The following KIAA1671 variants were observed in gnomAD, a reference collection of about 807,000 sequenced individuals.
KIAA1671 encodes the protein KIAA1671, also known as uncharacterized protein KIAA1671.
A neutral mutation model predicts 131.2 loss-of-function variants in KIAA1671; 52 were observed. The observed-to-expected ratio is 0.40, with a 90% CI of 0.32 to 0.50. KIAA1671 has a LOEUF of 0.50. Among genes scored for constraint, KIAA1671 ranks in the 20% least tolerant of loss-of-function variants. The pLI is 0.73. For missense variants in KIAA1671, 2,360 were observed against 2,364.2 expected, an observed-to-expected ratio of 1.00 and a Z score of 0.04; for synonymous variants, 1,003 against 961.6, an observed-to-expected ratio of 1.04 and a Z score of -0.80.
intron 6 of KIAA1671, among the ~76,000 whole-genome samples, chr22:25,075,135 G>A (rs1929036090): frequency 6.6e-6 from 1 of 152,258 alleles, no homozygotes; most frequent in South Asian, 2.1e-4. Context: ...ATTCCAGTGG[G>A]GGTGATTTTC....
At chr22:25,036,788 G>A (rs1926622710) in intron 4 of KIAA1671, among the ~76,000 whole-genome samples, 1 of 152,256 alleles carries the variant, frequency 6.6e-6, no homozygotes, top group Non-Finnish European at 1.5e-5. Flanking sequence ...GCCAGGCGTG[G>A]TGGTGCATGC....
intron 1 of KIAA1671, among the ~76,000 whole-genome samples, chr22:24,984,883 C>G (rs567717925): frequency 2.3e-4 from 33 of 142,236 alleles, no homozygotes; most frequent in African/African-American, 8.7e-4. Flanking sequence ...CATTGCACTC[C>G]AGCCTGGCGA....
intron 6 of KIAA1671, among the ~76,000 whole-genome samples, chr22:25,162,064 TC>T (rs1163220060): frequency 6.6e-6 from 1 of 152,152 alleles, no homozygotes; most frequent in African/African-American, 2.4e-5. Flanking sequence ...GCATGCCAGA[TC>T]GACTCCCTGG....
intron 1 of KIAA1671, among the ~76,000 whole-genome samples, chr22:24,967,070 T>A (rs1922341536): frequency 6.6e-6 from 1 of 152,064 alleles, no homozygotes; most frequent in Non-Finnish European, 1.5e-5. Flanking sequence ...CTCTGGACCT[T>A]TTTTTTACAG....
intron 6 of KIAA1671, among the ~76,000 whole-genome samples, chr22:25,163,131 C>A (rs1190224145): frequency 6.6e-6 from 1 of 152,064 alleles, no homozygotes; most frequent in Middle Eastern, 3.4e-3. Context: ...AATTCAAGAC[C>A]AGCCTGGGCA....
chr22:25,117,632 C>G (rs967669875), intron 6 of KIAA1671, among the ~76,000 whole-genome samples: 2 of 149,120 alleles, frequency 1.3e-5, no homozygotes, highest in Non-Finnish European at 1.5e-5. Context: ...CACACACACA[C>G]ACACAGACAC....
At chr22:25,159,071 G>A (rs989697600) in intron 6 of KIAA1671, among the ~76,000 whole-genome samples, 2 of 152,148 alleles carry the variant, frequency 1.3e-5, no homozygotes, top group Non-Finnish European at 2.9e-5. Context: ...TGGGCTTCTT[G>A]GGTCTAGGGG....
intron 6 of KIAA1671, among the ~76,000 whole-genome samples, chr22:25,165,862 G>T (rs1218735727): frequency 6.6e-6 from 1 of 152,096 alleles, no homozygotes; most frequent in African/African-American, 2.4e-5. Flanking sequence ...TGGGGCTGGA[G>T]GAGCCAGTGG....
rs1238485179 is a variant in KIAA1671, at chr22:25,039,441, A to G, written c.2311A>G (p.Arg771Gly). The change falls in exon 5 of 13, where the codon AGG (arginine) becomes GGG (glycine). Residue 771 changes from arginine to glycine, a missense_variant. Around this residue, in one of 3 missense-constraint regions of KIAA1671, gnomAD observed 1,185 missense variants for 1,126.2 expected, o/e 1.05. Coordinates refer to ENST00000358431, the MANE Select transcript of KIAA1671 (RefSeq NM_001145206.2). ...CAGGTCTTGGCTCTCACTGAAGGACAGGCAGCTGTCCCAGGAGGTCACCCC... is the reference window on the plus strand; with the variant it reads ...CAGGTCTTGGCTCTCACTGAAGGACGGGCAGCTGTCCCAGGAGGTCACCCC... ...SLRSWLSLKD[R>G]QLSQEVTPAD... 7 of 1,551,806 alleles carry G rather than the reference A, an allele frequency of 4.5e-6. No individual in the cohort carries two copies. The highest frequency in any genetic ancestry group is 5.2e-6 in the Non-Finnish European group (6 of 1,147,016).
intron 8 of KIAA1671, chr22:25,176,372 C>T (rs1934027520): frequency 6.6e-6 from 1 of 152,206 alleles, no homozygotes; most frequent in Non-Finnish European, 1.5e-5. Context: ...TGGAATTTCT[C>T]CAAAGTGGAC....
chr22:25,028,474 G>C lies in KIAA1671; in HGVS notation c.475G>C (p.Ala159Pro). 3 of 1,550,258 alleles carry C rather than the reference G, an allele frequency of 1.9e-6. No individual in the cohort carries two copies. The highest frequency in any genetic ancestry group is 1.2e-5 in the South Asian group (1 of 83,854). Residue 159 changes from alanine (A) to proline (P), a missense_variant, in exon 3 of 13, where the codon GCG becomes CCG. This residue lies in a region of KIAA1671 where 1,185 missense variants were observed against 1,126.2 expected (regional missense o/e 1.05). Coordinates refer to ENST00000358431, the MANE Select transcript of KIAA1671 (RefSeq NM_001145206.2). Reference protein sequence around the residue: ...TTKSGPALGKAVSEGAEEAKL... With the variant: ...TTKSGPALGKPVSEGAEEAKL... ...CAAAAGCGGCCCCGCTCTGGGGAAG[G>C]CGGTTAGTGAGGGGGCGGAGGAGGC...
Position 25,093,806 on chromosome 22 carries a change from C to CTG in KIAA1671, c.4530+44443_4530+44444insGT, listed in dbSNP as rs1930226986. Among the ~76,000 whole-genome samples the CTG allele has an allele frequency of 1.6e-5, 2 of 128,528 alleles. 1 individual carries two copies. Among genetic ancestry groups the CTG allele is most frequent in the Non-Finnish European group, 3.2e-5 (2 of 61,804 alleles). The allele number at this position is 128,528 out of a possible 152,430, so 84.3% of individuals were successfully genotyped here. A position where few individuals can be genotyped will look rare whatever the true frequency, so the allele number is the denominator to read the frequency against. Reference sequence around the variant, plus strand: ...TCTCTCTCTCTCTCTCTCTCTCTCTCTCTCTGTCTCTCTCTCTTTCTCTCT... The same window carrying CTG: ...TCTCTCTCTCTCTCTCTCTCTCTCTCTGTCTCTGTCTCTCTCTCTTTCTCTCT... On this transcript the variant is annotated intron_variant, in intron 6 of 12. Coordinates refer to ENST00000358431, the MANE Select transcript of KIAA1671 (RefSeq NM_001145206.2).
intron 6 of KIAA1671, chr22:25,051,991 C>G (rs9612839): frequency 0.15 from 23,226 of 152,276 alleles, 1,896 homozygotes; most frequent in African/African-American, 0.19. Context: ...GCTCAGAATG[C>G]TTCAGCCCCT....
chr22:24,967,931 T>C (rs1331382125), intron 1 of KIAA1671, among the ~76,000 whole-genome samples: 1 of 151,932 alleles, frequency 6.6e-6, no homozygotes, highest in African/African-American at 2.4e-5. Flanking sequence ...AGGCGGAGCT[T>C]GCAGTGAACC....
chr22:25,126,059 A>G (rs1303301071), intron 6 of KIAA1671, among the ~76,000 whole-genome samples: 1 of 152,200 alleles, frequency 6.6e-6, no homozygotes, highest in Non-Finnish European at 1.5e-5. Flanking sequence ...CTTTATAAAC[A>G]GTGGCTTTTA....
chr22:25,038,836 C>G lies in KIAA1671; in HGVS notation c.1706C>G (p.Ser569Cys). Residue 569 changes from serine (S) to cysteine (C), a missense_variant, in exon 5 of 13, where the codon TCC (serine) becomes TGC (cysteine). By Grantham distance (112) the Ser-to-Cys change is moderately radical (BLOSUM62 -1). Coordinates refer to ENST00000358431, the MANE Select transcript of KIAA1671 (RefSeq NM_001145206.2). ...AAGCCTGGGACACTCCGGGATAAGTCCAGGCAGACGGAGCAGAAGGTTAGC... is the reference window on the plus strand; with the variant it reads ...AAGCCTGGGACACTCCGGGATAAGTGCAGGCAGACGGAGCAGAAGGTTAGC... The part of the protein sequence containing the change: ...PWKPGTLRDK[S>C]RQTEQKVSSN... The G allele has an allele frequency of 6.4e-7, 1 of 1,551,830 alleles. No homozygotes were observed. The highest frequency in any genetic ancestry group is 1.2e-5 in the South Asian group (1 of 84,054).
In KIAA1671 at chr22:24,960,695, A is replaced by G. The variant is rs553965010; in HGVS notation, c.-208+7923A>G. The stretch of plus-strand genomic sequence containing the variant: ...TTTTTTTGCTATGACCGAGTGCCGC[A>G]GTTAACATCCCTGTTGACATGTCTT... On this transcript the variant is annotated intron_variant, in intron 1 of 12. Coordinates refer to ENST00000358431, the MANE Select transcript of KIAA1671 (RefSeq NM_001145206.2). Among the ~76,000 whole-genome samples, 27 of 113,766 alleles carry G rather than the reference A, an allele frequency of 2.4e-4. 1 individual carries two copies. The South Asian group carries it at 8.0e-3, about 34-fold the overall frequency. The allele number at this position is 113,766 out of a possible 152,430, so 74.6% of individuals were successfully genotyped here. A position where few individuals can be genotyped will look rare whatever the true frequency, so the allele number is the denominator to read the frequency against.
At chr22:25,148,222 C>G (rs560473381) in intron 6 of KIAA1671, among the ~76,000 whole-genome samples, 4 of 151,372 alleles carry the variant, frequency 2.6e-5, no homozygotes, top group Admixed American at 6.6e-5. Flanking sequence ...AGTCCCAGCC[C>G]TTTCTCAGTC....
chr22:25,149,549 C>T (rs532454916), intron 6 of KIAA1671, among the ~76,000 whole-genome samples: 76 of 152,270 alleles, frequency 5.0e-4, no homozygotes, highest in African/African-American at 1.5e-3. Context: ...TTGCCTCCTC[C>T]CTTCTCTGAG....
Sources: gnomAD v4.1 joint callset for allele counts (sites outside exome capture counted in the v4.1 genomes callset) on GRCh38, gnomAD v4.1.1 for gene constraint, gnomAD v4.1.1 regional missense constraint, MANE v1.5 for transcripts, NCBI Gene and HGNC (gene_info 2026-07-23, HGNC 2026-07-21) for gene names.